NCKAP5: variants seen among roughly 807,000 people sequenced by gnomAD.
NCKAP5 encodes the protein nck-associated protein 5.
A neutral mutation model predicts 167.0 loss-of-function variants in NCKAP5; 92 were observed. The observed-to-expected ratio is 0.55, with a 90% CI of 0.47 to 0.66. The LOEUF (loss-of-function observed/expected upper bound fraction) is 0.66, where lower values mean the gene tolerates loss of function less well. Ranked by LOEUF, NCKAP5 falls within the 30% of genes least tolerant of loss-of-function variation. The pLI is 0.00. For missense variants in NCKAP5, 2,378 were observed against 2,315.0 expected (o/e 1.03, Z -0.56); for synonymous variants, 891 against 877.4 (o/e 1.02, Z -0.27).
chr2:133,302,675 A>T (rs1259687625), intron 4 of NCKAP5, among the ~76,000 whole-genome samples: 1 of 142,210 alleles, frequency 7.0e-6, no homozygotes, highest in Non-Finnish European at 1.5e-5. Flanking sequence ...AGATATACCT[A>T]ATGCTAGATG....
intron 4 of NCKAP5, among the ~76,000 whole-genome samples, chr2:133,229,709 G>A (rs2087055208): frequency 6.6e-6 from 1 of 152,126 alleles, no homozygotes; most frequent in African/African-American, 2.4e-5. Context: ...TGGCACCAAA[G>A]TCCTCATTCT....
At chr2:132,964,831 T>C (rs983464783) in intron 7 of NCKAP5, among the ~76,000 whole-genome samples, 5 of 151,886 alleles carry the variant, frequency 3.3e-5, no homozygotes, top group African/African-American at 9.7e-5. Context: ...GCACAAAACG[T>C]ATCATTCTTA....
At chr2:133,341,469 A>T (rs1283647873) in intron 3 of NCKAP5, among the ~76,000 whole-genome samples, 2 of 152,168 alleles carry the variant, frequency 1.3e-5, no homozygotes, top group African/African-American at 4.8e-5. Flanking sequence ...GGTAATTTTG[A>T]TATTTTATTC....
At chr2:133,611,006 G>T in the NCKAP5 span, among the ~76,000 whole-genome samples, 3 of 152,090 alleles carry the variant, frequency 2.0e-5, no homozygotes, top group African/African-American at 7.2e-5. Flanking sequence ...TTGTTTTCAG[G>T]GGTTTTGGGG....
At chr2:133,232,822 T>C (rs1170624757) in intron 4 of NCKAP5, among the ~76,000 whole-genome samples, 2 of 152,220 alleles carry the variant, frequency 1.3e-5, no homozygotes, top group African/African-American at 4.8e-5. Flanking sequence ...AATTTCATCA[T>C]ATGTCTAATA....
intron 16 of NCKAP5, among the ~76,000 whole-genome samples, chr2:132,755,599 G>A (rs1234176270): frequency 6.6e-6 from 1 of 152,058 alleles, no homozygotes; most frequent in East Asian, 1.9e-4. Flanking sequence ...GGAAGGCCAA[G>A]GCGGGCAGAT....
chr2:132,853,810 CA>C (rs1267861420), intron 11 of NCKAP5, among the ~76,000 whole-genome samples: 24 of 152,290 alleles, frequency 1.6e-4, no homozygotes, highest in African/African-American at 5.1e-4. Flanking sequence ...CAAATAACAA[CA>C]AAACACCTGA....
intron 8 of NCKAP5, 77 bp from the exon 9 acceptor site, chr2:132,878,993 C>G: frequency 9.2e-7 from 1 of 1,084,398 alleles, no homozygotes; most frequent in South Asian, 1.3e-5. Context: ...CATACAGTTA[C>G]TAAATATATC....
Position 132,680,506 on chromosome 2 carries a change from A to G in NCKAP5, c.5714-7201T>C, listed in dbSNP as rs561990101. Among the ~76,000 whole-genome samples the G allele has an allele frequency of 2.6e-5, 4 of 152,290 alleles. No individual in the cohort carries two copies. In the South Asian group the frequency reaches 8.3e-4, roughly 32 times the overall value. ...GGGGGAAATAAACTCACTTTTTGAG[A>G]AAAAGAGCAAGCAAAGAGAAGGTCA... On this transcript the variant is annotated intron_variant, in intron 19 of 19. Transcript: ENST00000409261.
At chr2:133,567,972 C>G (rs1331825181) in intron 1 of NCKAP5, among the ~76,000 whole-genome samples, 2 of 152,092 alleles carry the variant, frequency 1.3e-5, no homozygotes, top group Non-Finnish European at 2.9e-5. Context: ...GAGGATTAGC[C>G]ATTCAGTATC....
intron 5 of NCKAP5, among the ~76,000 whole-genome samples, chr2:133,134,696 T>G (rs10194253): frequency 0.069 from 10,514 of 152,246 alleles, 422 homozygotes; most frequent in East Asian, 0.18. Flanking sequence ...AGCCTACACA[T>G]AGCAACAGAG....
At chr2:132,721,735 A>G (rs1558969060) in intron 19 of NCKAP5, among the ~76,000 whole-genome samples, 1 of 152,226 alleles carries the variant, frequency 6.6e-6, no homozygotes, top group Non-Finnish European at 1.5e-5. Flanking sequence ...AGCTGTCTGC[A>G]TAGAACATTT....
chr2:133,480,950 A>C (rs542107392), intron 3 of NCKAP5, among the ~76,000 whole-genome samples: 8 of 152,306 alleles, frequency 5.3e-5, no homozygotes, highest in South Asian at 2.1e-4. Flanking sequence ...TACTATTCTA[A>C]AAATTTCACC....
At chr2:132,792,345 G>A (rs550819358) in intron 12 of NCKAP5, among the ~76,000 whole-genome samples, 62 of 152,210 alleles carry the variant, frequency 4.1e-4, no homozygotes, top group African/African-American at 1.1e-3. Flanking sequence ...GTTTATTGCC[G>A]GACGTAACTT....
intron 6 of NCKAP5, among the ~76,000 whole-genome samples, chr2:133,085,588 T>G (rs1208510690): frequency 1.3e-5 from 2 of 152,192 alleles, no homozygotes; most frequent in Non-Finnish European, 2.9e-5. Context: ...CAGTTCCTTT[T>G]GGTCTGGTCT....
intron 4 of NCKAP5, among the ~76,000 whole-genome samples, chr2:133,292,792 T>C (rs923739088): frequency 6.6e-6 from 1 of 152,208 alleles, no homozygotes; most frequent in Non-Finnish European, 1.5e-5. Flanking sequence ...AGTAAATCTA[T>C]CTTTTAAGTA....
chr2:133,258,159 C>G (rs966129255), intron 4 of NCKAP5, among the ~76,000 whole-genome samples: 24 of 152,176 alleles, frequency 1.6e-4, no homozygotes, highest in African/African-American at 5.3e-4. Flanking sequence ...AAAAACAAAA[C>G]AGTGCATGCT....
intron 5 of NCKAP5, among the ~76,000 whole-genome samples, chr2:133,143,482 G>GA (rs1372048383): frequency 2.0e-5 from 3 of 152,088 alleles, no homozygotes; most frequent in African/African-American, 7.2e-5. Context: ...ATTTTTTATG[G>GA]AAAAAGGATC....
chr2:133,510,399 A>AC (rs1683385304), intron 3 of NCKAP5, among the ~76,000 whole-genome samples: 1 of 152,232 alleles, frequency 6.6e-6, no homozygotes, highest in African/African-American at 2.4e-5. Context: ...ACACACACAC[A>AC]TGCACGTACA....
Sources: allele counts gnomAD v4.1 joint callset (sites outside exome capture counted in the v4.1 genomes callset), GRCh38; gene constraint gnomAD v4.1.1; transcripts MANE v1.5; gene names NCBI Gene and HGNC (gene_info 2026-07-23, HGNC 2026-07-21).